Variants in ARHGEF38 observed in about 807,000 individuals in gnomAD.
ARHGEF38 encodes Rho guanine nucleotide exchange factor (GEF) 38.
ARHGEF38 carries 79 observed loss-of-function variants against 79.9 expected under a neutral mutation model. The ratio of observed to expected loss-of-function variants is 0.99; its 90% CI spans 0.82 to 1.19. The LOEUF is 1.19. Ranked by LOEUF, ARHGEF38 falls within the 50% of genes most tolerant of loss-of-function variation. ARHGEF38 has a pLI of 0.00. For synonymous variants in ARHGEF38, 366 were observed against 328.3 expected, an observed-to-expected ratio of 1.11 and a Z score of -1.24; for missense variants, 962 against 907.2, an observed-to-expected ratio of 1.06 and a Z score of -0.78.
At chr4:105,604,179 T>C (rs1261895659) in intron 2 of ARHGEF38, among the ~76,000 whole-genome samples, 1 of 152,104 alleles carries the variant, frequency 6.6e-6, no homozygotes, top group African/African-American at 2.4e-5. Context: ...TTCATGTGTG[T>C]GGGGAAGGGA....
chr4:105,666,325 G>C lies in ARHGEF38; in HGVS notation c.1689+5G>C. The C allele has an allele frequency of 1.3e-6, 2 of 1,516,680 alleles. No individual in the cohort carries two copies. Among genetic ancestry groups the C allele is most frequent in the Non-Finnish European group, 1.8e-6 (2 of 1,140,082 alleles). The allele number at this position is 1,516,680 out of a possible 1,614,324, so 94.0% of individuals were successfully genotyped here. On this transcript the variant is annotated splice_donor_5th_base_variant and intron_variant, in intron 11 of 13. Coordinates refer to ENST00000420470, the MANE Select transcript of ARHGEF38 (RefSeq NM_001242729.2). ...AAGAAACCTGTGCAGATTCTGGTGA[G>C]TTTGGCAGCATTCATGACAATGATA...
intron 1 of ARHGEF38, among the ~76,000 whole-genome samples, chr4:105,555,794 G>A (rs533526147): frequency 3.3e-5 from 5 of 152,112 alleles, no homozygotes; most frequent in Non-Finnish European, 5.9e-5. Context: ...TCTGGGTTCC[G>A]TAAAATGTAA....
At chr4:105,606,598 G>T (rs1042070889) in intron 2 of ARHGEF38, among the ~76,000 whole-genome samples, 6 of 152,006 alleles carry the variant, frequency 3.9e-5, no homozygotes, top group Non-Finnish European at 8.8e-5. Context: ...TAAGACTTTA[G>T]CTAAGAGCTG....
At chr4:105,651,200 G>A (rs1578348091) in intron 7 of ARHGEF38, among the ~76,000 whole-genome samples, 2 of 152,266 alleles carry the variant, frequency 1.3e-5, no homozygotes, top group East Asian at 3.9e-4. Flanking sequence ...TAGCCTGAAG[G>A]GATATTAATT....
rs1730779577 is a variant in ARHGEF38, at chr4:105,667,126, C to T, written c.1690-3C>T. 1.3e-6 allele frequency: 2 copies of T among 1,528,118 alleles called. No homozygotes were observed. The highest frequency in any genetic ancestry group is 2.5e-5 in the East Asian group (1 of 40,740). 94.7% of individuals were successfully genotyped at this position (1,528,118 alleles called of 1,614,324 possible). The stretch of plus-strand genomic sequence containing the variant: ...AACCAAAACTTCTCCTTATTTCTCC[C>T]AGCCAGAAATGCCACATCAAACTGA... On this transcript the variant is annotated splice_polypyrimidine_tract_variant and splice_region_variant and intron_variant, in intron 11 of 13. Transcript: ENST00000420470.
At chr4:105,634,722 T>C (rs1006684783) in intron 4 of ARHGEF38, among the ~76,000 whole-genome samples, 7 of 118,284 alleles carry the variant, frequency 5.9e-5, no homozygotes, top group African/African-American at 4.8e-4. Context: ...GGGGATTTTC[T>C]AAGTTTTTGA....
chr4:105,644,325 C>T (rs1270847621), intron 5 of ARHGEF38, among the ~76,000 whole-genome samples: 1 of 152,196 alleles, frequency 6.6e-6, no homozygotes, highest in Non-Finnish European at 1.5e-5. Context: ...AAAACAGTGT[C>T]TGTATTTCCT....
rs967915846 is a variant in ARHGEF38 at position 105,667,179 on chromosome 4, A to G, written c.1740A>G (p.Thr580=). 3.9e-6 allele frequency: 6 copies of G among 1,536,072 alleles called. No individual in the cohort carries two copies. Among genetic ancestry groups the G allele is most frequent in the Admixed American group, 2.0e-5 (1 of 50,982 alleles). The change falls in exon 12 of 14, where the codon ACA becomes ACG. Residue 580 remains threonine, a synonymous_variant. Coordinates refer to ENST00000420470, the MANE Select transcript of ARHGEF38 (RefSeq NM_001242729.2). The stretch of plus-strand genomic sequence containing the variant: ...TTCATCGCTCCAAACTTCTATCCAC[A>G]TATAGTGCAGAGGAACTCTATCAAG... ...TDIHRSKLLS[T]YSAEELYQAK... is the part of the protein sequence containing the mutation.
chr4:105,640,321 G>A (rs538998858), intron 5 of ARHGEF38, among the ~76,000 whole-genome samples: 3 of 152,176 alleles, frequency 2.0e-5, no homozygotes, highest in Non-Finnish European at 4.4e-5. Context: ...GTTGATTATC[G>A]TTTTCATTGT....
chr4:105,660,598 C>T (rs1219211962), intron 10 of ARHGEF38, among the ~76,000 whole-genome samples: 1 of 152,074 alleles, frequency 6.6e-6, no homozygotes, highest in Non-Finnish European at 1.5e-5. Flanking sequence ...TGCCATCAAG[C>T]CCAGCTAATT....
intron 3 of ARHGEF38, among the ~76,000 whole-genome samples, chr4:105,626,677 C>G (rs915037295): frequency 6.6e-6 from 1 of 152,002 alleles, no homozygotes; most frequent in South Asian, 2.1e-4. Context: ...AACTCCTCCC[C>G]GAAATTCCAT....
chr4:105,680,497 C>T lies in ARHGEF38; in HGVS notation c.*2560C>T, dbSNP rs935562389. 4.6e-5 allele frequency: 7 copies of T among 153,316 alleles called. No homozygotes were observed. The highest frequency in any genetic ancestry group is 1.7e-4 in the African/African-American group (7 of 41,414). 9.5% of individuals were successfully genotyped at this position (153,316 alleles called of 1,614,324 possible). On this transcript the variant is annotated 3_prime_UTR_variant, in exon 14 of 14. Transcript: ENST00000420470. ...CACATAACAAACTAAATAAAATGAT[C>T]ATAAAATAATAAATGCTATTTATAT...
rs1226969253 is a variant in ARHGEF38 at position 105,667,688 on chromosome 4, A to G, written c.2133A>G (p.Gln711=). 1 of 1,536,140 alleles carries G rather than the reference A, an allele frequency of 6.5e-7. No individual in the cohort carries two copies. The highest frequency in any genetic ancestry group is 8.7e-7 in the Non-Finnish European group (1 of 1,146,926). The part of the protein sequence containing the change: ...ETNGTDVDSF[Q]EVDEQIFYAV... The stretch of plus-strand genomic sequence containing the variant: ...ATGGTACTGATGTTGACAGTTTTCA[A>G]GAAGTAGACGAACAGGTAAAAATTT... The change falls in exon 13 of 14, where the codon CAA becomes CAG. Residue 711 remains glutamine (Q), a synonymous_variant. Transcript: ENST00000420470.
intron 2 of ARHGEF38, among the ~76,000 whole-genome samples, chr4:105,590,165 A>G (rs1032932966): frequency 6.6e-6 from 1 of 152,110 alleles, no homozygotes. Context: ...AGAGAGAGAG[A>G]GAGAGATGGG....
chr4:105,598,624 A>T (rs1209340038), intron 2 of ARHGEF38, among the ~76,000 whole-genome samples: 2 of 152,160 alleles, frequency 1.3e-5, no homozygotes, highest in Admixed American at 6.5e-5. Context: ...GAAGAATAAG[A>T]TACATTACAA....
At chr4:105,665,087 TC>T (rs1001262418) in intron 10 of ARHGEF38, among the ~76,000 whole-genome samples, 26 of 152,120 alleles carry the variant, frequency 1.7e-4, no homozygotes, top group Non-Finnish European at 3.4e-4. Context: ...AGCCTCAACT[TC>T]CCAGGTCCAA....
chr4:105,635,747 G>A (rs1729370865), intron 4 of ARHGEF38, among the ~76,000 whole-genome samples: 1 of 152,028 alleles, frequency 6.6e-6, no homozygotes, highest in Non-Finnish European at 1.5e-5. Context: ...ATTGCAATAG[G>A]AGAGTTCTTT....
chr4:105,645,421 A>G, intron 6 of ARHGEF38, 34 bp downstream of exon 6: 2 of 1,454,690 alleles, frequency 1.4e-6, no homozygotes, highest in South Asian at 1.4e-5. Flanking sequence ...GTTGTTTTCC[A>G]TTATTGGAGT....
At chr4:105,643,628 A>G (rs965943445) in intron 5 of ARHGEF38, among the ~76,000 whole-genome samples, 1 of 152,134 alleles carries the variant, frequency 6.6e-6, no homozygotes, top group Non-Finnish European at 1.5e-5. Flanking sequence ...GCATTGAGAG[A>G]ATACTGTATG....
Sources: gnomAD v4.1 joint callset for allele counts (sites outside exome capture counted in the v4.1 genomes callset) on GRCh38, gnomAD v4.1.1 for gene constraint, MANE v1.5 for transcripts, NCBI Gene and HGNC (gene_info 2026-07-23, HGNC 2026-07-21) for gene names.